BAG4: variants seen among roughly 807,000 people sequenced by gnomAD.
BAG4 encodes BAG cochaperone 4, also known as BAG family molecular chaperone regulator 4.
BAG4 carries 28 observed loss-of-function variants against 52.1 expected under a neutral mutation model. That is an observed-to-expected ratio of 0.54 (90% CI 0.40 to 0.74). The LOEUF is 0.74. Ranked by LOEUF, BAG4 falls within the 30% of genes least tolerant of loss-of-function variation. The probability of loss-of-function intolerance (pLI) is 0.00; values close to 1 mark genes in which losing one functional copy is unlikely to be tolerated. For synonymous variants in BAG4, 208 were observed against 217.0 expected, an observed-to-expected ratio of 0.96 and a Z score of 0.37; for missense variants, 525 against 572.0, an observed-to-expected ratio of 0.92 and a Z score of 0.84.
intron 1 of BAG4, among the ~76,000 whole-genome samples, chr8:38,180,785 T>A (rs911959269): frequency 6.6e-6 from 1 of 152,114 alleles, no homozygotes; most frequent in Admixed American, 6.6e-5. Context: ...TGCTGCAATT[T>A]ATTAAGATCC....
chr8:38,188,740 A>G (rs1803417297), intron 1 of BAG4, among the ~76,000 whole-genome samples: 1 of 150,682 alleles, frequency 6.6e-6, no homozygotes. Flanking sequence ...AAAGGCAACT[A>G]TGAGAAAGCT....
At chr8:38,178,492 A>G (rs1803208460) in intron 1 of BAG4, among the ~76,000 whole-genome samples, 1 of 152,224 alleles carries the variant, frequency 6.6e-6, no homozygotes, top group Non-Finnish European at 1.5e-5. Flanking sequence ...TTTGAGTTAT[A>G]AAGTGAGTGA....
At chr8:38,209,395 A>G (rs1803830798) in intron 4 of BAG4, 128 bp downstream of exon 4, 18 of 1,265,692 alleles carry the variant, frequency 1.4e-5, no homozygotes, top group Admixed American at 2.8e-5. Context: ...CTACTTATCT[A>G]TAGCTTTACC....
At chr8:38,180,520 CT>C (rs1461755149) in intron 1 of BAG4, among the ~76,000 whole-genome samples, 2 of 55,440 alleles carry the variant, frequency 3.6e-5, no homozygotes, top group African/African-American at 7.5e-5. Context: ...GAGACTCCGT[CT>C]CAAAAAAAAA....
intron 1 of BAG4, among the ~76,000 whole-genome samples, chr8:38,185,256 A>G (rs1803345742): frequency 6.6e-6 from 1 of 152,210 alleles, no homozygotes; most frequent in Non-Finnish European, 1.5e-5. Context: ...TAAAATAAGT[A>G]TTTTAAAATA....
At chr8:38,193,278 G>A (rs2130674968) in intron 2 of BAG4, among the ~76,000 whole-genome samples, 1 of 151,920 alleles carries the variant, frequency 6.6e-6, no homozygotes, top group Admixed American at 6.6e-5. Context: ...AATTAGCTGG[G>A]TGTGGTGGTG....
chr8:38,194,837 G>GTTTTTTTTTTGTT (rs1342567868), intron 2 of BAG4, among the ~76,000 whole-genome samples: 1 of 120,292 alleles, frequency 8.3e-6, no homozygotes, highest in African/African-American at 3.0e-5. Flanking sequence ...TTACTGGGGT[G>GTTTTTTTTTTGTT]TTTTTTTTTG....
In BAG4 at chr8:38,210,336, A is replaced by G; in HGVS notation, c.1217A>G (p.Asp406Gly). 1.9e-6 allele frequency: 3 copies of G among 1,614,208 alleles called. No homozygotes were observed. Among genetic ancestry groups the G allele is most frequent in the Non-Finnish European group, 2.5e-6 (3 of 1,180,040 alleles). ...GAAGAATTTGTAGGAAAAAAGACAG[A>G]CAAAGCATACTGGCTTCTGGAAGAA... ...EVEEFVGKKT[D>G]KAYWLLEEML... Residue 406 changes from aspartate (D) to glycine (G), a missense_variant, in exon 5 of 5, where the codon GAC becomes GGC. Around this residue, in one of 2 missense-constraint regions of BAG4, gnomAD observed 238 missense variants for 305.8 expected, o/e 0.78. Transcript: ENST00000287322.
chr8:38,204,384 G>A (rs1485117959), intron 2 of BAG4: 2 of 152,232 alleles, frequency 1.3e-5, no homozygotes, highest in African/African-American at 4.8e-5. Flanking sequence ...GCCAGGCATG[G>A]TGGTGCATGC....
chr8:38,202,968 C>CAAAAA (rs1803706474), intron 2 of BAG4: 1 of 152,154 alleles, frequency 6.6e-6, no homozygotes, highest in Non-Finnish European at 1.5e-5. Context: ...CCTGTATTTT[C>CAAAAA]TTTGCTGTGC....
In BAG4 at chr8:38,207,676, TC is replaced by T; in HGVS notation, c.545del (p.Pro182GlnfsTer34). On this transcript the variant is annotated frameshift_variant, in exon 3 of 5. Coordinates refer to ENST00000287322, the MANE Select transcript of BAG4 (RefSeq NM_004874.4). LOFTEE classifies it high-confidence loss of function. ...ACCGTTCATCTGGCAACAGCCCAACTCCAGTCTCTCGTTGGATCTATCCCCA... is the reference window on the plus strand; with the variant it reads ...ACCGTTCATCTGGCAACAGCCCAACTCAGTCTCTCGTTGGATCTATCCCCA... ...TYRSSGNSPT[P>X]VSRWIYPQQD... is the part of the protein sequence containing the mutation. 6.2e-7 allele frequency: 1 copy of T among 1,613,994 alleles called. No homozygotes were observed. The highest frequency in any genetic ancestry group is 8.5e-7 in the Non-Finnish European group (1 of 1,179,944).
intron 1 of BAG4, among the ~76,000 whole-genome samples, chr8:38,190,258 A>C (rs1310721652): frequency 6.6e-6 from 1 of 152,210 alleles, no homozygotes; most frequent in African/African-American, 2.4e-5. Flanking sequence ...CACACAATAT[A>C]GTTTAAAAAT....
intron 1 of BAG4, among the ~76,000 whole-genome samples, chr8:38,186,668 G>A (rs1803370473): frequency 6.6e-6 from 1 of 152,092 alleles, no homozygotes; most frequent in Non-Finnish European, 1.5e-5. Context: ...CCCTTTAGAG[G>A]GACCCAAATT....
intron 2 of BAG4, among the ~76,000 whole-genome samples, chr8:38,200,405 T>C (rs1803641225): frequency 6.6e-6 from 1 of 152,166 alleles, no homozygotes; most frequent in South Asian, 2.1e-4. Flanking sequence ...AATACCAAAC[T>C]GTTTTGATTA....
chr8:38,205,039 G>A (rs908638193), intron 2 of BAG4, among the ~76,000 whole-genome samples: 10 of 151,902 alleles, frequency 6.6e-5, no homozygotes, highest in African/African-American at 2.4e-4. Flanking sequence ...TATTTAGTTA[G>A]TTAGCTAGTT....
intron 1 of BAG4, among the ~76,000 whole-genome samples, chr8:38,190,838 A>G (rs1020921427): frequency 2.0e-5 from 3 of 150,920 alleles, no homozygotes; most frequent in African/African-American, 7.3e-5. Flanking sequence ...GCTCACTGCA[A>G]CTTCTGTCTC....
intron 2 of BAG4, among the ~76,000 whole-genome samples, chr8:38,196,321 AT>A (rs1463250442): frequency 1.3e-5 from 2 of 152,106 alleles, no homozygotes; most frequent in Non-Finnish European, 2.9e-5. Context: ...GAGGGCTCTG[AT>A]TTCTCCACAT....
At chr8:38,201,880 ATTTTTTTTTTT>A (rs869085692) in intron 2 of BAG4, 2 of 7,558 alleles carry the variant, frequency 2.6e-4, no homozygotes, top group African/African-American at 5.0e-4. Context: ...ATATATATAT[ATTTTTTTTTTT>A]TTTTTTTTTT....
At chr8:38,195,945 T>C (rs911205169) in intron 2 of BAG4, among the ~76,000 whole-genome samples, 5 of 152,212 alleles carry the variant, frequency 3.3e-5, no homozygotes, top group Admixed American at 3.3e-4. Flanking sequence ...ACCTGTAATC[T>C]ACTTTTTTAT....
Sources: gnomAD v4.1 joint callset for allele counts (sites outside exome capture counted in the v4.1 genomes callset) on GRCh38, gnomAD v4.1.1 for gene constraint, gnomAD v4.1.1 regional missense constraint, MANE v1.5 for transcripts, NCBI Gene and HGNC (gene_info 2026-07-23, HGNC 2026-07-21) for gene names.